NUMB: variants seen among roughly 807,000 people sequenced by gnomAD.
The protein encoded by NUMB is NUMB endocytic adaptor protein.
Under a neutral mutation model 59.7 loss-of-function variants are expected in NUMB, and 29 were observed. That is an observed-to-expected ratio of 0.49 (90% CI 0.36 to 0.66). The LOEUF (loss-of-function observed/expected upper bound fraction) is 0.66, where lower values mean the gene tolerates loss of function less well. Ranked by LOEUF, NUMB falls within the 30% of genes least tolerant of loss-of-function variation. NUMB has a pLI of 0.00. For synonymous variants in NUMB, 288 were observed against 288.2 expected, an observed-to-expected ratio of 1.00 and a Z score of 0.01; for missense variants, 723 against 822.0, an observed-to-expected ratio of 0.88 and a Z score of 1.47.
At chr14:73,319,535 T>C (rs10483852) in intron 5 of NUMB, among the ~76,000 whole-genome samples, 11,589 of 152,190 alleles carry the variant, frequency 0.076, 1,046 homozygotes, top group African/African-American at 0.21. Context: ...TCCCACTTAT[T>C]TGAAACTCTA....
At chr14:73,333,022 G>C (rs1892073980) in intron 4 of NUMB, among the ~76,000 whole-genome samples, 1 of 152,244 alleles carries the variant, frequency 6.6e-6, no homozygotes, top group East Asian at 1.9e-4. Flanking sequence ...TGGACATTTG[G>C]ACTGTGGTGA....
intron 6 of NUMB, among the ~76,000 whole-genome samples, chr14:73,313,820 T>C (rs1450108712): frequency 6.8e-6 from 1 of 147,764 alleles, no homozygotes; most frequent in African/African-American, 2.4e-5. Flanking sequence ...TTTTCTTTTT[T>C]TTTTTGAGAT....
intron 5 of NUMB, among the ~76,000 whole-genome samples, chr14:73,320,410 T>C (rs1248085966): frequency 6.6e-6 from 1 of 152,178 alleles, no homozygotes; most frequent in African/African-American, 2.4e-5. Context: ...TATTATTTAT[T>C]TTTATAGAGA....
intron 4 of NUMB, among the ~76,000 whole-genome samples, chr14:73,347,134 T>G (rs892211320): frequency 6.6e-6 from 1 of 152,102 alleles, no homozygotes; most frequent in East Asian, 1.9e-4. Flanking sequence ...CTGAGACTTA[T>G]TCACTTTAAA....
chr14:73,319,136 G>A (rs951970869), intron 5 of NUMB, among the ~76,000 whole-genome samples: 9 of 152,094 alleles, frequency 5.9e-5, no homozygotes, highest in Non-Finnish European at 8.8e-5. Flanking sequence ...GGTGGTGGGC[G>A]CCTGTAATCC....
intron 11 of NUMB, among the ~76,000 whole-genome samples, chr14:73,281,175 T>C (rs1888613155): frequency 6.6e-6 from 1 of 152,102 alleles, no homozygotes; most frequent in Non-Finnish European, 1.5e-5. Flanking sequence ...TAACGGGTAC[T>C]ATATTCAGGA....
intron 2 of NUMB, among the ~76,000 whole-genome samples, chr14:73,370,132 G>A (rs1308791864): frequency 6.6e-6 from 1 of 151,918 alleles, no homozygotes; most frequent in Non-Finnish European, 1.5e-5. Context: ...TAGTGGGGGG[G>A]GTGGGACCAT....
At chr14:73,392,148 AAGAAAGCTCATCTCAGG>A (rs1360215712) in intron 2 of NUMB, among the ~76,000 whole-genome samples, 1 of 152,184 alleles carries the variant, frequency 6.6e-6, no homozygotes, top group African/African-American at 2.4e-5. Flanking sequence ...TGATTACCTG[AAGAAAGCTCATCTCAGG>A]AGAAGTAAGG....
chr14:73,306,255 A>G (rs375007845), intron 6 of NUMB, among the ~76,000 whole-genome samples: 3 of 152,350 alleles, frequency 2.0e-5, no homozygotes, highest in South Asian at 4.1e-4. Context: ...CTACACAGTA[A>G]AGGAGAGATT....
chr14:73,452,279 G>A (rs1181723916), intron 1 of NUMB, among the ~76,000 whole-genome samples: 1 of 152,198 alleles, frequency 6.6e-6, no homozygotes, highest in African/African-American at 2.4e-5. Context: ...AGAATCACCT[G>A]AACCCAGGAA....
chr14:73,375,195 A>T (rs1006087979), intron 2 of NUMB, among the ~76,000 whole-genome samples: 2 of 152,238 alleles, frequency 1.3e-5, no homozygotes, highest in African/African-American at 4.8e-5. Flanking sequence ...GTCCTAAATC[A>T]TATCAGTCAA....
intron 2 of NUMB, among the ~76,000 whole-genome samples, chr14:73,383,735 GCTGGGCACGGTGGCTCACAT>G (rs752667266): frequency 5.3e-5 from 8 of 152,126 alleles, no homozygotes; most frequent in Non-Finnish European, 1.0e-4. Flanking sequence ...ACAATGGGGG[GCTGGGCACGGTGGCTCACAT>G]CTGTAATACC....
intron 2 of NUMB, among the ~76,000 whole-genome samples, chr14:73,378,112 T>C (rs1430132696): frequency 2.6e-5 from 4 of 151,868 alleles, no homozygotes; most frequent in Admixed American, 6.6e-5. Flanking sequence ...TTGAACATAT[T>C]TCACTAAAGA....
intron 3 of NUMB, among the ~76,000 whole-genome samples, chr14:73,358,747 TG>T (rs1893947566): frequency 6.6e-6 from 1 of 152,168 alleles, no homozygotes; most frequent in Admixed American, 6.6e-5. Flanking sequence ...CCTTAATGGT[TG>T]ACTGTATCTT....
intron 6 of NUMB, among the ~76,000 whole-genome samples, chr14:73,300,700 C>A (rs1261388847): frequency 6.6e-6 from 1 of 152,118 alleles, no homozygotes; most frequent in East Asian, 1.9e-4. Flanking sequence ...AGGTTTAGAA[C>A]AAGGACGGTC....
chr14:73,360,983 G>A (rs940677544), intron 3 of NUMB, among the ~76,000 whole-genome samples: 1 of 151,956 alleles, frequency 6.6e-6, no homozygotes, highest in African/African-American at 2.4e-5. Flanking sequence ...CAACCTCCCG[G>A]GCTCAAGCGA....
In NUMB at chr14:73,347,128, G is replaced by A. The variant is rs1032528994; in HGVS notation, c.126+8498C>T. Reference sequence around the variant, plus strand: ...CCACTTCAGCCTCCCAAGTAGCTGAGACTTATTCACTTTAAATGAGTACAC... The same window carrying A: ...CCACTTCAGCCTCCCAAGTAGCTGAAACTTATTCACTTTAAATGAGTACAC... On this transcript the variant is annotated intron_variant, in intron 4 of 12. Transcript: ENST00000555238. Among the ~76,000 whole-genome samples the A allele has an allele frequency of 1.2e-4, 19 of 152,164 alleles. 1 individual carries two copies. The highest frequency in any genetic ancestry group is 2.4e-4 in the Non-Finnish European group (16 of 68,000).
chr14:73,354,271 A>T (rs1430750159), intron 4 of NUMB, among the ~76,000 whole-genome samples: 1 of 151,878 alleles, frequency 6.6e-6, no homozygotes, highest in Non-Finnish European at 1.5e-5. Context: ...CACTTTGGGA[A>T]GCTGAAGCAG....
At chr14:73,396,168 A>T (rs1896121253) in intron 2 of NUMB, among the ~76,000 whole-genome samples, 1 of 152,092 alleles carries the variant, frequency 6.6e-6, no homozygotes, top group Admixed American at 6.6e-5. Context: ...CTGTAACCTC[A>T]AACTCCTGGG....
Sources: gnomAD v4.1 joint callset for allele counts (sites outside exome capture counted in the v4.1 genomes callset) on GRCh38, gnomAD v4.1.1 for gene constraint, MANE v1.5 for transcripts, NCBI Gene and HGNC (gene_info 2026-07-23, HGNC 2026-07-21) for gene names.